Variants in RASAL3 observed in about 807,000 individuals in gnomAD.
RASAL3 encodes RAS protein activator like 3.
A neutral mutation model predicts 105.5 loss-of-function variants in RASAL3; 74 were observed. The ratio of observed to expected loss-of-function variants is 0.70; its 90% CI spans 0.58 to 0.85. The LOEUF (loss-of-function observed/expected upper bound fraction) is 0.85. Ranked by LOEUF, RASAL3 falls within the 40% of genes least tolerant of loss-of-function variation. RASAL3 has a pLI of 0.00. For missense variants in RASAL3, 1,352 were observed against 1,392.0 expected (o/e 0.97, Z 0.46); for synonymous variants, 579 against 591.6 (o/e 0.98, Z 0.31).
chr19:15,462,194 T>C (rs1250544717), intron 2 of RASAL3, among the ~76,000 whole-genome samples: 1 of 151,614 alleles, frequency 6.6e-6, no homozygotes, highest in Non-Finnish European at 1.5e-5. Context: ...CTTTAAAAAA[T>C]AGCCTGATGT....
chr19:15,460,185 C>A lies in RASAL3; in HGVS notation c.662+18G>T, dbSNP rs1335219934. The A allele has an allele frequency of 6.3e-7, 1 of 1,598,382 alleles. No homozygotes were observed. The highest frequency in any genetic ancestry group is 8.5e-7 in the Non-Finnish European group (1 of 1,172,036). On this transcript the variant is annotated intron_variant, in intron 6 of 17. Transcript: ENST00000343625. The stretch of plus-strand genomic sequence containing the variant: ...CAGTGTTGAACCCCAGCCCCTCCAG[C>A]CTCTCATACACCCTTACCCATCCCG...
In RASAL3 at chr19:15,464,066, G is replaced by C; in HGVS notation, c.293C>G (p.Pro98Arg). The C allele has an allele frequency of 6.3e-7, 1 of 1,586,676 alleles. No individual in the cohort carries two copies. Among genetic ancestry groups the C allele is most frequent in the Non-Finnish European group, 8.6e-7 (1 of 1,163,246 alleles). The change falls in exon 2 of 18, where the codon CCG becomes CGG. Residue 98 changes from proline (P) to arginine (R), a missense_variant. By Grantham distance (103) the Pro-to-Arg change is moderately radical (BLOSUM62 -2). This residue lies in a region of RASAL3 where 344 missense variants were observed against 339.6 expected (regional missense o/e 1.01). Transcript: ENST00000343625. ...CTGCTCCGGCTCCGGGTCTGGCTCC[G>C]GCGGTGGGTTCTTATGCCTCCCCCA... is the stretch of plus-strand genomic sequence containing the variant. ...ALWGRHKNPP[P>R]EPDPEPEQEA...
rs752378039 is a variant in RASAL3, at chr19:15,453,078, C to A, written c.2670+29G>T. ...CCCAGTCGCGTCCCTGTTCCCACTC[C>A]CCAGGCGCGGACCTGGGCCTGACCT... On this transcript the variant is annotated intron_variant, in intron 15 of 17. Transcript: ENST00000343625. The surrounding 1 kb of genome is among the most constrained non-coding windows in gnomAD (Gnocchi z 4.2). The A allele has an allele frequency of 1.9e-6, 3 of 1,612,192 alleles. No homozygotes were observed. The African/African-American group carries it at 4.0e-5, about 22-fold the overall frequency.
Position 15,457,786 on chromosome 19 carries a change from C to G in RASAL3, c.937G>C (p.Ala313Pro), listed in dbSNP as rs1168909705. The G allele has an allele frequency of 6.5e-7, 1 of 1,548,316 alleles. No homozygotes were observed. The highest frequency in any genetic ancestry group is 1.2e-5 in the South Asian group (1 of 83,974). Residue 313 changes from alanine (A) to proline (P), a missense_variant, in exon 9 of 18, where the codon GCG becomes CCG. By Grantham distance (27) the Ala-to-Pro change is conservative. Coordinates refer to ENST00000343625, the MANE Select transcript of RASAL3 (RefSeq NM_022904.3). This position sits in a 1 kb window ranked among gnomAD's most constrained non-coding sequence, Gnocchi z 8.6. ...GCCGCTGCTCGGGGAAGCCCCTTCG[C>G]TTCGTGCACCCACACGCTCAGCCAT... ...ETWLSVWVHE[A>P]KGLPRAAAGA... is the part of the protein sequence containing the mutation.
intron 2 of RASAL3, 107 bp from the exon 3 acceptor site, chr19:15,461,714 C>A (rs1027841081): frequency 3.6e-6 from 5 of 1,399,636 alleles, no homozygotes; most frequent in South Asian, 1.7e-5. Context: ...AGGTGCCCCC[C>A]ACCCCAGCAG....
chr19:15,451,859 G>C lies in RASAL3; in HGVS notation c.2972C>G (p.Thr991Arg). Residue 991 changes from threonine to arginine, a missense_variant, in exon 18 of 18, where the codon ACG becomes AGG. Thr to Arg is a moderately conservative substitution (Grantham distance 71). Coordinates refer to ENST00000343625, the MANE Select transcript of RASAL3 (RefSeq NM_022904.3). ...AVQSLQLSPR[T>R]RGSWSQPQPL... ...CTGGGGTTGACTCCAAGACCCCCGC[G>C]TCCTTGGAGAAAGCTGCAGGCTCTG... The C allele has an allele frequency of 6.2e-7, 1 of 1,608,908 alleles. No individual in the cohort carries two copies. Among genetic ancestry groups the C allele is most frequent in the Non-Finnish European group, 8.5e-7 (1 of 1,175,936 alleles).
In RASAL3 at chr19:15,457,248, G is replaced by A; in HGVS notation, c.1431+44C>T. Reference sequence around the variant, plus strand: ...AACTCCTGCCCGAAGCGCGTTATCGGTCTACCCCTGGTAGCCCCGGTCCGC... The same window carrying A: ...AACTCCTGCCCGAAGCGCGTTATCGATCTACCCCTGGTAGCCCCGGTCCGC... On this transcript the variant is annotated intron_variant, in intron 9 of 17. Coordinates refer to ENST00000343625, the MANE Select transcript of RASAL3 (RefSeq NM_022904.3). The surrounding 1 kb of genome is among the most constrained non-coding windows in gnomAD (Gnocchi z 8.6). 8.0e-7 allele frequency: 1 copy of A among 1,242,484 alleles called. No homozygotes were observed. The highest frequency in any genetic ancestry group is 3.5e-5 in the East Asian group (1 of 28,704). The allele number at this position is 1,242,484 out of a possible 1,614,324, so 77.0% of individuals were successfully genotyped here.
intron 13 of RASAL3, 35 bp downstream of exon 13, chr19:15,454,326 C>T: frequency 6.3e-7 from 1 of 1,582,658 alleles, no homozygotes; most frequent in Non-Finnish European, 8.6e-7. Flanking sequence ...GTCTCCCAAG[C>T]CTTCTTGCCT....
chr19:15,461,010 C>T (rs747621801), intron 5 of RASAL3, 50 bp downstream of exon 5: 14 of 1,570,624 alleles, frequency 8.9e-6, no homozygotes, highest in South Asian at 2.3e-5. Flanking sequence ...TTTGAGGGTC[C>T]GAGAGTCTTG....
chr19:15,451,917 C>G lies in RASAL3; in HGVS notation c.2914G>C (p.Glu972Gln), dbSNP rs770680192. Residue 972 changes from glutamate to glutamine, a missense_variant, in exon 18 of 18, where the codon GAG becomes CAG. Physicochemically the swap from Glu to Gln is conservative, Grantham distance 29. Around this residue, in one of 3 missense-constraint regions of RASAL3, gnomAD observed 920 missense variants for 919.6 expected, o/e 1.00. Transcript: ENST00000343625. ...KNLEHRLNEM[E>Q]RTQAQLRDAV... is the part of the protein sequence containing the mutation. ...TCCCTCAGCTGAGCCTGAGTTCTCT[C>G]CATCTCATTTAGGCGGTGCTCCTGG... The G allele has an allele frequency of 8.7e-6, 14 of 1,608,416 alleles. No homozygotes were observed. The highest frequency in any genetic ancestry group is 1.7e-5 in the Admixed American group (1 of 59,912).
chr19:15,459,720 A>G (rs2145482038), intron 6 of RASAL3, among the ~76,000 whole-genome samples: 1 of 152,068 alleles, frequency 6.6e-6, no homozygotes, highest in Non-Finnish European at 1.5e-5. Flanking sequence ...TATTTTTTGT[A>G]GAAATGGGGT....
chr19:15,462,173 C>A (rs1052039232), intron 2 of RASAL3, among the ~76,000 whole-genome samples: 1 of 151,642 alleles, frequency 6.6e-6, no homozygotes. Flanking sequence ...GGCAACATAA[C>A]AAGACCCTGT....
chr19:15,464,156 C>T lies in RASAL3; in HGVS notation c.203G>A (p.Arg68His), dbSNP rs761696731. The change falls in exon 2 of 18, where the codon CGT (arginine) becomes CAT (histidine). Residue 68 changes from arginine to histidine, a missense_variant. By Grantham distance (29) the Arg-to-His change is conservative. This residue lies in a region of RASAL3 where 344 missense variants were observed against 339.6 expected (regional missense o/e 1.01). Transcript: ENST00000343625. ...CTTGGGAGGCGCAGATAGGACCCGA[C>T]GGAATATCGAGCGAGGGGCTGGCTG... is the stretch of plus-strand genomic sequence containing the variant. The part of the protein sequence containing the change: ...STQPAPRSIF[R>H]RVLSAPPKES... 1.2e-6 allele frequency: 2 copies of T among 1,613,446 alleles called. No individual in the cohort carries two copies. Among genetic ancestry groups the T allele is most frequent in the East Asian group, 2.2e-5 (1 of 44,864 alleles).
chr19:15,458,481 G>A (rs1395438457), intron 7 of RASAL3, 48 bp downstream of exon 7: 1 of 1,613,562 alleles, frequency 6.2e-7, no homozygotes, highest in African/African-American at 1.3e-5. Context: ...AAGCCAAAGG[G>A]TGGGAGGTGG....
chr19:15,460,310 T>A, intron 5 of RASAL3, 52 bp from the exon 6 acceptor site: 1 of 1,538,668 alleles, frequency 6.5e-7, no homozygotes, highest in Non-Finnish European at 8.9e-7. Context: ...CTTCCTCAGC[T>A]CCTTCCCTCC....
At position 15,461,140 on chromosome 19, in the gene RASAL3, G is replaced by C. The variant is rs764070791; in HGVS notation, c.545-19C>G. The stretch of plus-strand genomic sequence containing the variant: ...ATCCGATCTGTGGGTCGTTATGGGT[G>C]GCAGGTTGGGGGGTTGGATTCTGCC... On this transcript the variant is annotated intron_variant, in intron 4 of 17. Coordinates refer to ENST00000343625, the MANE Select transcript of RASAL3 (RefSeq NM_022904.3). 1.2e-6 allele frequency: 2 copies of C among 1,613,850 alleles called. No individual in the cohort carries two copies. The highest frequency in any genetic ancestry group is 1.7e-6 in the Non-Finnish European group (2 of 1,179,812).
At chr19:15,461,341 G>A in intron 3 of RASAL3, 45 bp from the exon 4 acceptor site, 1 of 1,577,682 alleles carries the variant, frequency 6.3e-7, no homozygotes, top group Non-Finnish European at 8.6e-7. Context: ...GAGGCAGGCA[G>A]GCAGGCAGGC....
At position 15,464,106 on chromosome 19, in the gene RASAL3, G is replaced by C. The variant is rs1170373350; in HGVS notation, c.253C>G (p.Leu85Val). The C allele has an allele frequency of 6.2e-7, 1 of 1,612,888 alleles. No homozygotes were observed. The highest frequency in any genetic ancestry group is 8.5e-7 in the Non-Finnish European group (1 of 1,179,490). ...PKESRTSRLR[L>V]SKALWGRHKN... ...TGCCTCCCCCAGAGGGCCTTGGAGA[G>C]TCGAAGGCGACTGGTCCGTGACTCC... Residue 85 changes from leucine (L) to valine (V), a missense_variant, in exon 2 of 18, where the codon CTC becomes GTC. This residue lies in a region of RASAL3 where 344 missense variants were observed against 339.6 expected (regional missense o/e 1.01). Coordinates refer to ENST00000343625, the MANE Select transcript of RASAL3 (RefSeq NM_022904.3).
chr19:15,459,394 C>T (rs1456743590), intron 6 of RASAL3, among the ~76,000 whole-genome samples: 4 of 151,490 alleles, frequency 2.6e-5, no homozygotes, highest in Admixed American at 6.6e-5. Context: ...TACAGGCATT[C>T]GCCACCATGC....
Sources: allele counts gnomAD v4.1 joint callset (sites outside exome capture counted in the v4.1 genomes callset), GRCh38; gene constraint gnomAD v4.1.1; regional missense constraint gnomAD v4.1.1; non-coding constraint Gnocchi (gnomAD v3.1); transcripts MANE v1.5; gene names NCBI Gene and HGNC (gene_info 2026-07-23, HGNC 2026-07-21).